The following PDE4B variants were observed in gnomAD, a reference collection of about 807,000 sequenced individuals.
PDE4B encodes the protein phosphodiesterase 4B.
A neutral mutation model predicts 82.2 loss-of-function variants in PDE4B; 20 were observed. That is an observed-to-expected ratio of 0.24 (90% CI 0.17 to 0.35). PDE4B has a LOEUF of 0.35. Among genes scored for constraint, PDE4B ranks in the 10% least tolerant of loss-of-function variants. The probability of loss-of-function intolerance (pLI) is 1.00; values close to 1 mark genes in which losing one functional copy is unlikely to be tolerated. For missense variants in PDE4B, 655 were observed against 907.2 expected (o/e 0.72, Z 3.57); for synonymous variants, 320 against 318.9 (o/e 1.00, Z -0.04).
At chr1:65,903,742 C>T (rs1247209335) in intron 1 of PDE4B, among the ~76,000 whole-genome samples, 1 of 152,084 alleles carries the variant, frequency 6.6e-6, no homozygotes, top group Non-Finnish European at 1.5e-5. Context: ...TGAGTTTCAG[C>T]CTTCTGCTTT....
chr1:66,217,248 G>GA (rs1174350377), intron 3 of PDE4B, among the ~76,000 whole-genome samples: 2 of 151,528 alleles, frequency 1.3e-5, no homozygotes, highest in Non-Finnish European at 2.9e-5. Flanking sequence ...GGCTAGGCAA[G>GA]AAAAAAAAGT....
intron 3 of PDE4B, among the ~76,000 whole-genome samples, chr1:65,986,179 A>G (rs1034291631): frequency 3.9e-5 from 6 of 152,338 alleles, no homozygotes; most frequent in East Asian, 3.9e-4. Context: ...ATATTAATCA[A>G]TCAGAATACA....
intron 3 of PDE4B, among the ~76,000 whole-genome samples, chr1:66,242,215 A>G (rs1652945447): frequency 6.6e-6 from 1 of 152,112 alleles, no homozygotes; most frequent in African/African-American, 2.4e-5. Flanking sequence ...GAAGCTTCAC[A>G]TTTTTCAAAT....
chr1:66,030,756 C>G (rs1480642879), intron 3 of PDE4B, among the ~76,000 whole-genome samples: 1 of 152,176 alleles, frequency 6.6e-6, no homozygotes, highest in Non-Finnish European at 1.5e-5. Context: ...GGTACATATA[C>G]AACATGGAAT....
intron 3 of PDE4B, among the ~76,000 whole-genome samples, chr1:66,017,198 T>C (rs920210302): frequency 2.6e-5 from 4 of 152,220 alleles, no homozygotes; most frequent in Non-Finnish European, 5.9e-5. Flanking sequence ...GAATTTATTG[T>C]ATTTGTGTAA....
chr1:66,004,375 ATTAC>A (rs1366499088), intron 3 of PDE4B, among the ~76,000 whole-genome samples: 4 of 152,170 alleles, frequency 2.6e-5, no homozygotes, highest in Non-Finnish European at 5.9e-5. Flanking sequence ...CCACTTAGAT[ATTAC>A]TTAGTTTCAT....
chr1:66,254,718 A>AT (rs1258295043), intron 4 of PDE4B, among the ~76,000 whole-genome samples: 2 of 152,150 alleles, frequency 1.3e-5, no homozygotes, highest in Non-Finnish European at 2.9e-5. Context: ...TCAGATATCC[A>AT]TTTTTTAAAT....
intron 1 of PDE4B, among the ~76,000 whole-genome samples, chr1:65,843,439 A>T (rs879861076): frequency 2.6e-5 from 4 of 152,098 alleles, no homozygotes; most frequent in Non-Finnish European, 5.9e-5. Context: ...AAAATTTCCC[A>T]CTACCAAATG....
intron 1 of PDE4B, among the ~76,000 whole-genome samples, chr1:65,893,416 C>G (rs548455959): frequency 9.2e-5 from 14 of 151,862 alleles, no homozygotes; most frequent in African/African-American, 3.4e-4. Context: ...CAAATTAAAC[C>G]CACAATGAGA....
intron 1 of PDE4B, among the ~76,000 whole-genome samples, chr1:65,888,968 A>G (rs757453170): frequency 6.6e-6 from 1 of 152,098 alleles, no homozygotes; most frequent in Admixed American, 6.6e-5. Flanking sequence ...GACTTCCAAT[A>G]CTATGTTGAA....
At chr1:66,266,190 G>A in intron 7 of PDE4B, 103 bp downstream of exon 7, 1 of 931,130 alleles carries the variant, frequency 1.1e-6, no homozygotes, top group Admixed American at 1.9e-5. Flanking sequence ...TTTGCATATT[G>A]TGGCTCTCAA....
chr1:66,072,396 A>G (rs1656198709), intron 3 of PDE4B, among the ~76,000 whole-genome samples: 1 of 152,116 alleles, frequency 6.6e-6, no homozygotes, highest in African/African-American at 2.4e-5. Flanking sequence ...CATGTTGCTA[A>G]CATTTTTTCA....
intron 16 of PDE4B, 38 bp downstream of exon 16, chr1:66,369,007 T>TATAATCAGCAGA: frequency 1.3e-6 from 2 of 1,504,486 alleles, no homozygotes; most frequent in Non-Finnish European, 1.8e-6. Flanking sequence ...TTGTGAGCTC[T>TATAATCAGCAGA]GCTGATTATA....
chr1:66,253,180 A>G (rs1022902399), intron 4 of PDE4B, among the ~76,000 whole-genome samples: 1 of 152,236 alleles, frequency 6.6e-6, no homozygotes, highest in Non-Finnish European at 1.5e-5. Context: ...TCGCATAGCT[A>G]GTAATAATGC....
intron 7 of PDE4B, among the ~76,000 whole-genome samples, chr1:66,325,005 A>T (rs1212945471): frequency 1.3e-5 from 2 of 152,178 alleles, no homozygotes; most frequent in African/African-American, 2.4e-5. Context: ...CAAGATTGCC[A>T]AATAAATAGA....
intron 3 of PDE4B, among the ~76,000 whole-genome samples, chr1:65,930,715 C>T (rs1050158925): frequency 2.6e-5 from 4 of 152,224 alleles, no homozygotes; most frequent in African/African-American, 9.6e-5. Flanking sequence ...GACTATACCC[C>T]CATTGTATCT....
At chr1:66,163,916 G>A (rs1646667980) in intron 3 of PDE4B, among the ~76,000 whole-genome samples, 1 of 152,114 alleles carries the variant, frequency 6.6e-6, no homozygotes, top group Non-Finnish European at 1.5e-5. Context: ...CATGTTAGCT[G>A]TTGATGGACA....
At position 66,247,621 on chromosome 1, in the gene PDE4B, C is replaced by T. The variant is rs1219450828; in HGVS notation, c.443C>T (p.Ala148Val). The T allele has an allele frequency of 9.4e-6, 15 of 1,596,376 alleles. No homozygotes were observed. The highest frequency in any genetic ancestry group is 2.3e-5 in the South Asian group (2 of 88,732). The stretch of plus-strand genomic sequence containing the variant: ...AGCGACTATGACTTGTCACCAAAGG[C>T]GATGTCGAGAAACTCTTCTCTTCCA... ...SDSDYDLSPK[A>V]MSRNSSLPSE... Residue 148 changes from alanine to valine, a missense_variant, in exon 4 of 17, where the codon GCG becomes GTG. By Grantham distance (64) the Ala-to-Val change is moderately conservative. Around this residue, in one of 3 missense-constraint regions of PDE4B, gnomAD observed 253 missense variants for 275.6 expected, o/e 0.92. Transcript: ENST00000341517.
At chr1:65,950,922 T>C (rs2100570952) in intron 3 of PDE4B, among the ~76,000 whole-genome samples, 1 of 152,268 alleles carries the variant, frequency 6.6e-6, no homozygotes, top group East Asian at 1.9e-4. Flanking sequence ...TTCTGTGTCC[T>C]AGGTAAGAAA....
Sources: gnomAD v4.1 joint callset for allele counts (sites outside exome capture counted in the v4.1 genomes callset) on GRCh38, gnomAD v4.1.1 for gene constraint, gnomAD v4.1.1 regional missense constraint, MANE v1.5 for transcripts, NCBI Gene and HGNC (gene_info 2026-07-23, HGNC 2026-07-21) for gene names.